Variants in KAZN observed in about 807,000 individuals in gnomAD.
KAZN encodes kazrin.
Under a neutral mutation model 87.4 loss-of-function variants are expected in KAZN, and 40 were observed. The observed-to-expected ratio is 0.46, with a 90% CI of 0.36 to 0.60. The LOEUF (loss-of-function observed/expected upper bound fraction) is 0.60, where lower values mean the gene tolerates loss of function less well. Among genes scored for constraint, KAZN ranks in the 20% least tolerant of loss-of-function variants. KAZN has a pLI of 0.00. For missense variants in KAZN, 898 were observed against 1,073.9 expected, an observed-to-expected ratio of 0.84 and a Z score of 2.29; for synonymous variants, 466 against 458.3, an observed-to-expected ratio of 1.02 and a Z score of -0.22.
intron 1 of KAZN, among the ~76,000 whole-genome samples, chr1:14,632,950 T>C (rs990915642): frequency 6.6e-6 from 1 of 152,002 alleles, no homozygotes; most frequent in Non-Finnish European, 1.5e-5. Flanking sequence ...AGAGTATCAC[T>C]CTGTCACCCA....
At chr1:13,922,647 C>T (rs942901329) in intron 1 of KAZN, among the ~76,000 whole-genome samples, 4 of 152,080 alleles carry the variant, frequency 2.6e-5, no homozygotes, top group Admixed American at 2.0e-4. Context: ...TTCCTTCTCT[C>T]CCAGATTTAC....
chr1:13,999,117 A>G (rs1639660502), intron 1 of KAZN, among the ~76,000 whole-genome samples: 1 of 152,162 alleles, frequency 6.6e-6, no homozygotes, highest in African/African-American at 2.4e-5. Context: ...TGGGAGGCCG[A>G]GGCAGGTGGA....
intron 1 of KAZN, among the ~76,000 whole-genome samples, chr1:14,088,833 A>G (rs1394889445): frequency 6.6e-6 from 1 of 151,694 alleles, no homozygotes; most frequent in African/African-American, 2.4e-5. Context: ...ATGCACATTT[A>G]GCATTTTTTT....
At chr1:14,328,015 T>C in intron 2 of KAZN, among the ~76,000 whole-genome samples, 1 of 152,226 alleles carries the variant, frequency 6.6e-6, no homozygotes, top group East Asian at 1.9e-4. Context: ...GAATATTGTA[T>C]GTTTAATGAA....
intron 2 of KAZN, among the ~76,000 whole-genome samples, chr1:14,427,301 T>A (rs1665787293): frequency 6.6e-6 from 1 of 152,216 alleles, no homozygotes; most frequent in Non-Finnish European, 1.5e-5. Context: ...TCTCTTGGCT[T>A]CAGTTTTCTC....
At chr1:15,104,937 T>G (rs1304186655) in intron 13 of KAZN, among the ~76,000 whole-genome samples, 1 of 152,246 alleles carries the variant, frequency 6.6e-6, no homozygotes, top group Admixed American at 6.5e-5. Context: ...TGTCCTTTAT[T>G]CTATCAATAT....
Position 15,081,230 on chromosome 1 carries a change from A to G in KAZN, c.1223-12950A>G, listed in dbSNP as rs1026224425. Among the ~76,000 whole-genome samples, 1 of 152,224 alleles carries G rather than the reference A, an allele frequency of 6.6e-6. No individual in the cohort carries two copies. Among genetic ancestry groups the G allele is most frequent in the Non-Finnish European group, 1.5e-5 (1 of 68,038 alleles). On this transcript the variant is annotated intron_variant, in intron 8 of 14. Transcript: ENST00000376030. The surrounding 1 kb of genome is among the most constrained non-coding windows in gnomAD (Gnocchi z 4.1). ...GTGCTGGGCCAGGGCTGGCTCACACAGGCCCACGGATGGCTCTCTTCCCAA... is the reference window on the plus strand; with the variant it reads ...GTGCTGGGCCAGGGCTGGCTCACACGGGCCCACGGATGGCTCTCTTCCCAA...
At chr1:14,341,037 G>A (rs575842662) in intron 2 of KAZN, among the ~76,000 whole-genome samples, 4 of 151,010 alleles carry the variant, frequency 2.6e-5, no homozygotes, top group South Asian at 2.1e-4. Context: ...ACAGGCATGC[G>A]CCACCATGCC....
At chr1:14,248,057 A>G (rs1333025479) in intron 2 of KAZN, among the ~76,000 whole-genome samples, 1 of 152,222 alleles carries the variant, frequency 6.6e-6, no homozygotes, top group Non-Finnish European at 1.5e-5. Flanking sequence ...CAGGTCTAAA[A>G]GCATCACAAA....
intron 1 of KAZN, among the ~76,000 whole-genome samples, chr1:14,772,361 G>A (rs771249447): frequency 6.6e-5 from 10 of 152,104 alleles, no homozygotes; most frequent in Non-Finnish European, 1.3e-4. Flanking sequence ...GCATGCACCT[G>A]TGGTCCCAGC....
chr1:14,562,381 T>C lies in KAZN; in HGVS notation c.250-36602T>C, dbSNP rs1278349433. 2.6e-5 allele frequency among the ~76,000 whole-genome samples: 4 copies of C among 152,198 alleles called. No homozygotes were observed. In the East Asian group the frequency reaches 7.7e-4, roughly 29 times the overall value. On this transcript the variant is annotated intron_variant, in intron 2 of 16. Transcript: ENST00000636203. ...CACTAGTTCTGAAGTTGTAGACATT[T>C]TGTAGCTTGACTCACCTGGATAAAT...
At chr1:14,144,169 C>T (rs914873202) in intron 1 of KAZN, among the ~76,000 whole-genome samples, 7 of 152,306 alleles carry the variant, frequency 4.6e-5, no homozygotes, top group Non-Finnish European at 8.8e-5. Context: ...CTCCTCAACT[C>T]GGATAAGCAG....
chr1:14,862,563 C>T (rs1346233534), intron 1 of KAZN, among the ~76,000 whole-genome samples: 1 of 152,168 alleles, frequency 6.6e-6, no homozygotes, highest in Non-Finnish European at 1.5e-5. Flanking sequence ...GGCCTACTGA[C>T]AGCAGCGAAA....
intron 2 of KAZN, among the ~76,000 whole-genome samples, chr1:14,417,956 A>G (rs1037326729): frequency 2.2e-5 from 3 of 137,426 alleles, no homozygotes; most frequent in African/African-American, 8.2e-5. Context: ...AAATCACACC[A>G]CTGCACTCCA....
At position 14,996,023 on chromosome 1, in the gene KAZN, ACCTAATGCCAT is replaced by A. The variant is rs1450924450; in HGVS notation, c.418+35152_418+35162del. On this transcript the variant is annotated intron_variant, in intron 2 of 14. Coordinates refer to ENST00000376030, the MANE Select transcript of KAZN (RefSeq NM_201628.3). The surrounding 1 kb of genome is among the most constrained non-coding windows in gnomAD (Gnocchi z 5.9). ...CCCAAGGGCGGCTGCCCTATAAGAC[ACCTAATGCCAT>A]CCTCAGCCCGCGGCCCTCTGTAGCC... 6.6e-6 allele frequency among the ~76,000 whole-genome samples: 1 copy of A among 151,972 alleles called. No individual in the cohort carries two copies. The highest frequency in any genetic ancestry group is 2.4e-5 in the African/African-American group (1 of 41,372).
At chr1:14,924,349 C>A in intron 1 of KAZN, 1 of 988,254 alleles carries the variant, frequency 1.0e-6, no homozygotes, top group African/African-American at 1.8e-5. Flanking sequence ...TGGTAGCGTC[C>A]CCCCGGGCAC....
chr1:14,002,550 T>C (rs113497399), intron 1 of KAZN, among the ~76,000 whole-genome samples: 1 of 152,216 alleles, frequency 6.6e-6, no homozygotes, highest in Non-Finnish European at 1.5e-5. Flanking sequence ...GCAAGTCCAG[T>C]TAAACCTCTT....
chr1:15,093,574 T>C (rs1259006397), intron 8 of KAZN, among the ~76,000 whole-genome samples: 1 of 152,070 alleles, frequency 6.6e-6, no homozygotes, highest in Non-Finnish European at 1.5e-5. Context: ...TAAGGTAACA[T>C]AGACAGATGG....
chr1:13,962,724 A>G (rs1570399105), intron 1 of KAZN, among the ~76,000 whole-genome samples: 1 of 151,960 alleles, frequency 6.6e-6, no homozygotes, highest in Non-Finnish European at 1.5e-5. Context: ...CGCCTGGCTA[A>G]GTTTTGTATT....
Sources: gnomAD v4.1 joint callset for allele counts (sites outside exome capture counted in the v4.1 genomes callset) on GRCh38, gnomAD v4.1.1 for gene constraint, Gnocchi (gnomAD v3.1) non-coding constraint, MANE v1.5 for transcripts, NCBI Gene and HGNC (gene_info 2026-07-23, HGNC 2026-07-21) for gene names.